MAGEL2: variants seen among roughly 807,000 people sequenced by gnomAD.
MAGEL2 encodes the protein MAGE-like protein 2.
For missense variants in MAGEL2, 1,830 were observed against 1,699.2 expected, an observed-to-expected ratio of 1.08 and a Z score of -1.35; for synonymous variants, 792 against 721.7, an observed-to-expected ratio of 1.10 and a Z score of -1.56.
Position 23,645,765 on chromosome 15 carries a change from G to C in MAGEL2, c.1978C>G (p.Gln660Glu). Residue 660 changes from glutamine to glutamate, a missense_variant, in exon 1 of 1, where the codon CAA becomes GAA. Transcript: ENST00000650528. ...GCCTGCTGGGGGGGTAGCTGGATTT[G>C]CACGGCTTTTTGGGAGGGCGGGGCT... is the stretch of plus-strand genomic sequence containing the variant. ...QGAPPSQKAV[Q>E]IQLPPQQAQA... The C allele has an allele frequency of 6.3e-7, 1 of 1,582,284 alleles. No individual in the cohort carries two copies. The highest frequency in any genetic ancestry group is 8.6e-7 in the Non-Finnish European group (1 of 1,165,802).
Position 23,646,556 on chromosome 15 carries a change from C to T in MAGEL2, c.1187G>A (p.Trp396Ter). 1 of 1,474,500 alleles carries T rather than the reference C, an allele frequency of 6.8e-7. No homozygotes were observed. Among genetic ancestry groups the T allele is most frequent in the Non-Finnish European group, 8.9e-7 (1 of 1,118,964 alleles). The allele number at this position is 1,474,500 out of a possible 1,614,324, so 91.3% of individuals were successfully genotyped here. ...CTGCCAGGTAACGGCTGGTGCCTGC[C>T]AGGTGACCTGCGTGGTCTGCCAAGT... ...PLTWQTTQVT[W>*]QAPAVTWQVP... is the part of the protein sequence containing the mutation. Residue 396 changes from tryptophan (W) to a stop codon, truncating the protein, a stop_gained, in exon 1 of 1, where the codon TGG (tryptophan) becomes TAG (stop). Coordinates refer to ENST00000650528, the MANE Select transcript of MAGEL2 (RefSeq NM_019066.5). LOFTEE classifies it low-confidence loss of function (END_TRUNC). The surrounding 1 kb of genome is among the most constrained non-coding windows in gnomAD (Gnocchi z 4.2).
Position 23,646,877 on chromosome 15 carries a change from A to C in MAGEL2, c.866T>G (p.Ile289Ser). 6.5e-7 allele frequency: 1 copy of C among 1,536,420 alleles called. No homozygotes were observed. Among genetic ancestry groups the C allele is most frequent in the East Asian group, 2.4e-5 (1 of 40,846 alleles). The change falls in exon 1 of 1, where the codon ATT becomes AGT. Residue 289 changes from isoleucine (I) to serine (S), a missense_variant. Ile to Ser is a moderately radical substitution (Grantham distance 142). Coordinates refer to ENST00000650528, the MANE Select transcript of MAGEL2 (RefSeq NM_019066.5). This position sits in a 1 kb window ranked among gnomAD's most constrained non-coding sequence, Gnocchi z 4.2. ...CGGAGCTCTCGCACCTGGAGGATGA[A>C]TCATCAGGACTCCTGGACCTGGAGG... ...AKPPGPGVLM[I>S]HPPGARAPMT...
Position 23,644,492 on chromosome 15 carries a change from T to G in MAGEL2, c.3251A>C (p.Asn1084Thr), listed in dbSNP as rs1180872128. Reference sequence around the variant, plus strand: ...CTTGTTGATGATAATATAGGCGTGGTTTTTGGTATCAATTTCTTTCAATTG... The same window carrying G: ...CTTGTTGATGATAATATAGGCGTGGGTTTTGGTATCAATTTCTTTCAATTG... Reference protein sequence around the residue: ...GYQLKEIDTKNHAYIIINKLG... With the variant: ...GYQLKEIDTKTHAYIIINKLG... The change falls in exon 1 of 1, where the codon AAC becomes ACC. Residue 1084 changes from asparagine (N) to threonine (T), a missense_variant. Asn to Thr is a moderately conservative substitution (Grantham distance 65). Transcript: ENST00000650528. 6.2e-7 allele frequency: 1 copy of G among 1,613,902 alleles called. No individual in the cohort carries two copies. The highest frequency in any genetic ancestry group is 2.2e-5 in the East Asian group (1 of 44,862).
Position 23,647,103 on chromosome 15 carries a change from G to A in MAGEL2, c.640C>T (p.Pro214Ser). Residue 214 changes from proline (P) to serine (S), a missense_variant, in exon 1 of 1, where the codon CCT becomes TCT. Physicochemically the swap from Pro to Ser is moderately conservative, Grantham distance 74 (BLOSUM62 -1). Transcript: ENST00000650528. ...GGATGAGCCATCGGTGTCCCCGGAGGTGGAGGATGAGCCATCGGTGTCCCC... is the reference window on the plus strand; with the variant it reads ...GGATGAGCCATCGGTGTCCCCGGAGATGGAGGATGAGCCATCGGTGTCCCC... ...PPGTPMAHPPPPGTPMAHPPP... is the reference protein window; with the variant it reads ...PPGTPMAHPPSPGTPMAHPPP... The A allele has an allele frequency of 6.5e-7, 1 of 1,532,842 alleles. No individual in the cohort carries two copies. Among genetic ancestry groups the A allele is most frequent in the South Asian group, 1.2e-5 (1 of 83,248 alleles). The allele number at this position is 1,532,842 out of a possible 1,614,324, so 95.0% of individuals were successfully genotyped here. A position where few individuals can be genotyped will look rare whatever the true frequency, so the allele number is the denominator to read the frequency against.
At position 23,646,231 on chromosome 15, in the gene MAGEL2, T is replaced by C; in HGVS notation, c.1512A>G (p.Pro504=). 7.4e-7 allele frequency: 1 copy of C among 1,349,980 alleles called. No homozygotes were observed. Among genetic ancestry groups the C allele is most frequent in the Admixed American group, 4.0e-5 (1 of 24,978 alleles). The allele number at this position is 1,349,980 out of a possible 1,614,324, so 83.6% of individuals were successfully genotyped here. ...GCGGTGGCTGGGTGGCCAGGACCTGTGGGGCAGGTCGGATGGGCGGCGGCG... is the reference window on the plus strand; with the variant it reads ...GCGGTGGCTGGGTGGCCAGGACCTGCGGGGCAGGTCGGATGGGCGGCGGCG... ...RQAPPPIRPA[P]QVLATQPPLW... Residue 504 remains proline (P), a synonymous_variant, in exon 1 of 1, where the codon CCA becomes CCG. Transcript: ENST00000650528. This position sits in a 1 kb window ranked among gnomAD's most constrained non-coding sequence, Gnocchi z 4.2.
chr15:23,646,360 G>C lies in MAGEL2; in HGVS notation c.1383C>G (p.Ala461=). The change falls in exon 1 of 1, where the codon GCC becomes GCG. Residue 461 remains alanine, a synonymous_variant. Coordinates refer to ENST00000650528, the MANE Select transcript of MAGEL2 (RefSeq NM_019066.5). The surrounding 1 kb of genome is among the most constrained non-coding windows in gnomAD (Gnocchi z 4.2). ...IRQAPPVIRQ[A]PAVIRQAPPV... ...GTGGGGCCTGGCGGATCACAGCGGG[G>C]GCCTGGCGGATCACGGGTGGGGCCT... The C allele has an allele frequency of 7.2e-7, 1 of 1,382,812 alleles. No homozygotes were observed. The highest frequency in any genetic ancestry group is 9.3e-7 in the Non-Finnish European group (1 of 1,079,310). 85.7% of individuals were successfully genotyped at this position (1,382,812 alleles called of 1,614,324 possible).
In MAGEL2 at chr15:23,646,843, C is replaced by T; in HGVS notation, c.900G>A (p.Gln300=). 1 of 1,536,656 alleles carries T rather than the reference C, an allele frequency of 6.5e-7. No homozygotes were observed. The highest frequency in any genetic ancestry group is 8.7e-7 in the Non-Finnish European group (1 of 1,146,868). ...CCATCGGTGCTCCTGAAGCTGGAGG[C>T]TGGGTCATCGGAGCTCTCGCACCTG... The part of the protein sequence containing the change: ...HPPGARAPMT[Q]PPASGAPMAQ... The change falls in exon 1 of 1, where the codon CAG becomes CAA. Residue 300 remains glutamine (Q), a synonymous_variant. Transcript: ENST00000650528. The surrounding 1 kb of genome is among the most constrained non-coding windows in gnomAD (Gnocchi z 4.2).
Position 23,647,620 on chromosome 15 carries a change from TGGCGGAGCCCGGGAGGAAGCG to T in MAGEL2, c.102_122del (p.Ala35_Pro41del). On this transcript the variant is annotated inframe_deletion, in exon 1 of 1. Transcript: ENST00000650528. ...CAATTGGAGGTGGATCCCAAGGGAC[TGGCGGAGCCCGGGAGGAAGCG>T]GGCGGGGCCCGCATCAGAACCGTAG... 6.5e-7 allele frequency: 1 copy of T among 1,536,914 alleles called. No homozygotes were observed.
rs534141639 is a variant in MAGEL2 at position 23,644,940 on chromosome 15, C to T, written c.2803G>A (p.Glu935Lys). 8.7e-6 allele frequency: 14 copies of T among 1,613,498 alleles called. No individual in the cohort carries two copies. Among genetic ancestry groups the T allele is most frequent in the African/African-American group, 1.3e-5 (1 of 74,944 alleles). Residue 935 changes from glutamate (E) to lysine (K), a missense_variant, in exon 1 of 1, where the codon GAG becomes AAG. Glu to Lys is a moderately conservative substitution (Grantham distance 56). Transcript: ENST00000650528. The part of the protein sequence containing the change: ...QSPIQVSGDW[E>K]HPNTPRGLSG... The stretch of plus-strand genomic sequence containing the variant: ...AGGCCACGGGGGGTGTTTGGGTGCT[C>T]CCAGTCACCCGAGACCTGGATAGGG...
In MAGEL2 at chr15:23,647,106, G is replaced by A; in HGVS notation, c.637C>T (p.Pro213Ser). 6.5e-7 allele frequency: 1 copy of A among 1,531,894 alleles called. No individual in the cohort carries two copies. Among genetic ancestry groups the A allele is most frequent in the East Asian group, 2.5e-5 (1 of 40,800 alleles). The allele number at this position is 1,531,894 out of a possible 1,614,324, so 94.9% of individuals were successfully genotyped here. ...PPPGTPMAHP[P>S]PPGTPMAHPP... Reference sequence around the variant, plus strand: ...TGAGCCATCGGTGTCCCCGGAGGTGGAGGATGAGCCATCGGTGTCCCCGGA... The same window carrying A: ...TGAGCCATCGGTGTCCCCGGAGGTGAAGGATGAGCCATCGGTGTCCCCGGA... The change falls in exon 1 of 1, where the codon CCA (proline) becomes TCA (serine). Residue 213 changes from proline to serine, a missense_variant. Coordinates refer to ENST00000650528, the MANE Select transcript of MAGEL2 (RefSeq NM_019066.5).
chr15:23,643,774 T>C lies in MAGEL2; in HGVS notation c.*219A>G, dbSNP rs1165093379. On this transcript the variant is annotated 3_prime_UTR_variant, in exon 1 of 1. Transcript: ENST00000650528. ...CAAAACAGAGAACCACAGATCTCACTTAAAAACACAGATGCCAAAATACAG... is the reference window on the plus strand; with the variant it reads ...CAAAACAGAGAACCACAGATCTCACCTAAAAACACAGATGCCAAAATACAG... 1 of 469,246 alleles carries C rather than the reference T, an allele frequency of 2.1e-6. No homozygotes were observed. Among genetic ancestry groups the C allele is most frequent in the South Asian group, 6.4e-5 (1 of 15,584 alleles). 29.1% of individuals were successfully genotyped at this position (469,246 alleles called of 1,614,324 possible). A position where few individuals can be genotyped will look rare whatever the true frequency, so the allele number is the denominator to read the frequency against.
rs374554976 is a variant in MAGEL2, at chr15:23,647,470, C to T, written c.273G>A (p.Pro91=). Residue 91 remains proline, a synonymous_variant, in exon 1 of 1, where the codon CCG becomes CCA. Coordinates refer to ENST00000650528, the MANE Select transcript of MAGEL2 (RefSeq NM_019066.5). ...QPPALGGPIV[P]APPLGGPMGK... ...CCATCGGGCCCCCCAGCGGGGGAGC[C>T]GGGACTATCGGGCCCCCTAGGGCAG... is the stretch of plus-strand genomic sequence containing the variant. 428 of 1,533,596 alleles carry T rather than the reference C, an allele frequency of 2.8e-4. 7 individuals carry two copies. The South Asian group carries it at 4.5e-3, about 16-fold the overall frequency. 95.0% of individuals were successfully genotyped at this position (1,533,596 alleles called of 1,614,324 possible).
In MAGEL2 at chr15:23,644,268, C is replaced by T. The variant is rs200478034; in HGVS notation, c.3475G>A (p.Glu1159Lys). Reference protein sequence around the residue: ...LFGNTKKLITEVFVRQKYLEY... With the variant: ...LFGNTKKLITKVFVRQKYLEY... ...AGGTACTTCTGCCTGACAAACACTT[C>T]GGTGATGAGCTTCTTAGTATTTCCA... The change falls in exon 1 of 1, where the codon GAA (glutamate) becomes AAA (lysine). Residue 1159 changes from glutamate (E) to lysine (K), a missense_variant. Physicochemically the swap from Glu to Lys is moderately conservative, Grantham distance 56 (BLOSUM62 1). Coordinates refer to ENST00000650528, the MANE Select transcript of MAGEL2 (RefSeq NM_019066.5). 336 of 1,613,588 alleles carry T rather than the reference C, an allele frequency of 2.1e-4. No individual in the cohort carries two copies. Among genetic ancestry groups the T allele is most frequent in the Non-Finnish European group, 2.6e-4 (311 of 1,179,886 alleles).
In MAGEL2 at chr15:23,644,766, C is replaced by T. The variant is rs573023653; in HGVS notation, c.2977G>A (p.Val993Met). The change falls in exon 1 of 1, where the codon GTG becomes ATG. Residue 993 changes from valine to methionine, a missense_variant. Coordinates refer to ENST00000650528, the MANE Select transcript of MAGEL2 (RefSeq NM_019066.5). ...ESPGSSLPVV[V>M]SEVASVSPGS... ...GGAGAGACACTTGCGACCTCAGACA[C>T]AACTACGGGCAGAGAGCTCCCTGGG... 2.5e-6 allele frequency: 4 copies of T among 1,613,794 alleles called. No individual in the cohort carries two copies. The highest frequency in any genetic ancestry group is 3.3e-5 in the Admixed American group (2 of 60,032).
In MAGEL2 at chr15:23,647,338, G is replaced by C. The variant is rs945360575; in HGVS notation, c.405C>G (p.Pro135=). ...GAGGAGGATGGGCCATGGGAGCTCC[G>C]GGAGCTGAAGGATGCACCATCAGGA... ...PGVLMVHPSA[P]GAPMAHPPPP... The change falls in exon 1 of 1, where the codon CCC becomes CCG. Residue 135 remains proline (P), a synonymous_variant. Coordinates refer to ENST00000650528, the MANE Select transcript of MAGEL2 (RefSeq NM_019066.5). 10 of 1,533,036 alleles carry C rather than the reference G, an allele frequency of 6.5e-6. No individual in the cohort carries two copies. Among genetic ancestry groups the C allele is most frequent in the Non-Finnish European group, 8.7e-6 (10 of 1,145,718 alleles). 95.0% of individuals were successfully genotyped at this position (1,533,036 alleles called of 1,614,324 possible).
At position 23,645,530 on chromosome 15, in the gene MAGEL2, G is replaced by A; in HGVS notation, c.2213C>T (p.Ser738Phe). Residue 738 changes from serine to phenylalanine, a missense_variant, in exon 1 of 1, where the codon TCC becomes TTC. Transcript: ENST00000650528. ...RRGSSKERRT[S>F]SKERRAPSKD... ...TGAAGGGGCCCTGCGCTCCTTCGAGGAGGTCCTGCGCTCTTTAGAGGAGCC... is the reference window on the plus strand; with the variant it reads ...TGAAGGGGCCCTGCGCTCCTTCGAGAAGGTCCTGCGCTCTTTAGAGGAGCC... The A allele has an allele frequency of 6.2e-7, 1 of 1,613,812 alleles. No homozygotes were observed.
In MAGEL2 at chr15:23,646,359, G is replaced by A; in HGVS notation, c.1384C>T (p.Pro462Ser). The A allele has an allele frequency of 7.2e-7, 1 of 1,385,324 alleles. No homozygotes were observed. Among genetic ancestry groups the A allele is most frequent in the South Asian group, 1.7e-5 (1 of 58,462 alleles). The allele number at this position is 1,385,324 out of a possible 1,614,324, so 85.8% of individuals were successfully genotyped here. The stretch of plus-strand genomic sequence containing the variant: ...GGTGGGGCCTGGCGGATCACAGCGG[G>A]GGCCTGGCGGATCACGGGTGGGGCC... ...RQAPPVIRQAPAVIRQAPPVI... is the reference protein window; with the variant it reads ...RQAPPVIRQASAVIRQAPPVI... Residue 462 changes from proline to serine, a missense_variant, in exon 1 of 1, where the codon CCC becomes TCC. Transcript: ENST00000650528. This position sits in a 1 kb window ranked among gnomAD's most constrained non-coding sequence, Gnocchi z 4.2.
rs768437351 is a variant in MAGEL2 at position 23,644,083 on chromosome 15, G to A, written c.3660C>T (p.Leu1220=). Residue 1220 remains leucine, a synonymous_variant, in exon 1 of 1, where the codon CTC becomes CTT. Coordinates refer to ENST00000650528, the MANE Select transcript of MAGEL2 (RefSeq NM_019066.5). Reference sequence around the variant, plus strand: ...CTGTGTCTTCCCACTCACACTCTGCGAGCGCTTCAAGGTAATGGAATGGCC... The same window carrying A: ...CTGTGTCTTCCCACTCACACTCTGCAAGCGCTTCAAGGTAATGGAATGGCC... The part of the protein sequence containing the change: ...QSWPFHYLEA[L]AECEWEDTDE... 19 of 1,613,898 alleles carry A rather than the reference G, an allele frequency of 1.2e-5. No homozygotes were observed. The highest frequency in any genetic ancestry group is 1.6e-4 in the Middle Eastern group (1 of 6,062).
In MAGEL2 at chr15:23,646,871, G is replaced by A. The variant is rs1890420270; in HGVS notation, c.872C>T (p.Pro291Leu). ...PPGPGVLMIHPPGARAPMTQP... is the reference protein window; with the variant it reads ...PPGPGVLMIHLPGARAPMTQP... ...GGTCATCGGAGCTCTCGCACCTGGA[G>A]GATGAATCATCAGGACTCCTGGACC... The change falls in exon 1 of 1, where the codon CCT (proline) becomes CTT (leucine). Residue 291 changes from proline (P) to leucine (L), a missense_variant. Coordinates refer to ENST00000650528, the MANE Select transcript of MAGEL2 (RefSeq NM_019066.5). This position sits in a 1 kb window ranked among gnomAD's most constrained non-coding sequence, Gnocchi z 4.2. 2.0e-6 allele frequency: 3 copies of A among 1,536,770 alleles called. No homozygotes were observed. In the South Asian group the frequency reaches 3.6e-5, roughly 18 times the overall value.
Sources: gnomAD v4.1 joint callset for allele counts on GRCh38, gnomAD v4.1.1 for gene constraint, Gnocchi (gnomAD v3.1) non-coding constraint, MANE v1.5 for transcripts, NCBI Gene and HGNC (gene_info 2026-07-23, HGNC 2026-07-21) for gene names.